DLST: variants seen among roughly 807,000 people sequenced by gnomAD.
DLST encodes dihydrolipoamide S-succinyltransferase.
Under a neutral mutation model 53.1 loss-of-function variants are expected in DLST, and 17 were observed. The observed-to-expected ratio is 0.32, with a 90% CI of 0.22 to 0.48. The LOEUF (loss-of-function observed/expected upper bound fraction) is 0.48. DLST is among the 20% of genes least tolerant of loss of function. DLST has a pLI of 0.99. For missense variants in DLST, 512 were observed against 583.9 expected (o/e 0.88, Z 1.27); for synonymous variants, 206 against 204.8 (o/e 1.01, Z -0.05).
chr14:74,902,168 CA>C, intron 14 of DLST, 27 bp from the exon 15 acceptor site: 1 of 1,520,566 alleles, frequency 6.6e-7, no homozygotes, highest in Non-Finnish European at 8.9e-7. Flanking sequence ...TTGCTGGAGA[CA>C]AACCTATTTA....
intron 12 of DLST, 139 bp downstream of exon 12, chr14:74,900,135 TAAACCA>T: frequency 9.2e-7 from 1 of 1,084,256 alleles, no homozygotes; most frequent in African/African-American, 1.6e-5. Flanking sequence ...TTTTTTCTTT[TAAACCA>T]TGCCGCATTC....
Position 74,889,090 on chromosome 14 carries a change from T to C in DLST, c.147-5T>C. ...AAAAGGAGTTAACGTGTGTTTCTTT[T>C]GTAGCATTAACAACAGTGTCTTCAG... On this transcript the variant is annotated splice_region_variant and splice_polypyrimidine_tract_variant and intron_variant, in intron 3 of 14. Transcript: ENST00000334220. 1 of 1,614,134 alleles carries C rather than the reference T, an allele frequency of 6.2e-7. No individual in the cohort carries two copies. The highest frequency in any genetic ancestry group is 8.5e-7 in the Non-Finnish European group (1 of 1,180,042).
At chr14:74,891,587 T>C in intron 7 of DLST, 1 of 990,532 alleles carries the variant, frequency 1.0e-6, no homozygotes, top group Non-Finnish European at 1.2e-6. Flanking sequence ...AATTCAGTGT[T>C]GTTTCTTTTC....
At chr14:74,891,607 C>G in intron 7 of DLST, 1 of 987,792 alleles carries the variant, frequency 1.0e-6, no homozygotes, top group Non-Finnish European at 1.2e-6. Flanking sequence ...CACATCTGTT[C>G]TCTCATATCT....
intron 4 of DLST, 50 bp downstream of exon 4, chr14:74,889,197 T>C (rs377574623): frequency 1.4e-3 from 2,230 of 1,609,766 alleles, no homozygotes; most frequent in Non-Finnish European, 1.8e-3. Flanking sequence ...GAGCAACAAT[T>C]GATTGAGTTT....
intron 7 of DLST, among the ~76,000 whole-genome samples, chr14:74,892,330 C>T (rs570644059): frequency 4.6e-5 from 7 of 152,286 alleles, no homozygotes; most frequent in African/African-American, 1.7e-4. Flanking sequence ...ATCCGCCTGC[C>T]TTGGCCTCCC....
At chr14:74,891,874 G>T in intron 7 of DLST, 1 of 985,244 alleles carries the variant, frequency 1.0e-6, no homozygotes, top group Non-Finnish European at 1.2e-6. Flanking sequence ...GAAGCTCAGA[G>T]TAGAAAACAT....
chr14:74,885,530 C>A, intron 2 of DLST, 56 bp from the exon 3 acceptor site: 1 of 1,569,852 alleles, frequency 6.4e-7, no homozygotes, highest in Non-Finnish European at 8.8e-7. Context: ...CCATTCCCAG[C>A]ATGTATCCTT....
Position 74,894,371 on chromosome 14 carries a change from A to T in DLST, c.732A>T (p.Thr244=), listed in dbSNP as rs753023376. The change falls in exon 10 of 15, where the codon ACA becomes ACT. Residue 244 remains threonine (T), a synonymous_variant. Transcript: ENST00000334220. ...AGCGTCTGAAGGAGGCCCAGAATAC[A>T]TGTGCAATGCTGACAACTTTTAATG... The part of the protein sequence containing the change: ...IAQRLKEAQN[T]CAMLTTFNEI... 6.2e-7 allele frequency: 1 copy of T among 1,614,182 alleles called. No individual in the cohort carries two copies. The highest frequency in any genetic ancestry group is 8.5e-7 in the Non-Finnish European group (1 of 1,180,016).
chr14:74,889,201 T>A (rs1261376956), intron 4 of DLST, 54 bp downstream of exon 4: 4 of 1,608,150 alleles, frequency 2.5e-6, no homozygotes, highest in Non-Finnish European at 3.4e-6. Flanking sequence ...AACAATTGAT[T>A]GAGTTTAATT....
At chr14:74,887,751 C>A (rs1286979940) in intron 3 of DLST, among the ~76,000 whole-genome samples, 1 of 152,204 alleles carries the variant, frequency 6.6e-6, no homozygotes. Flanking sequence ...CCTGTTAGTT[C>A]TTGCCTATAG....
At chr14:74,900,463 A>C (rs1438778753) in intron 13 of DLST, 91 bp downstream of exon 13, 2 of 1,138,454 alleles carry the variant, frequency 1.8e-6, no homozygotes, top group African/African-American at 1.5e-5. Flanking sequence ...TGCTCATGGA[A>C]AGTCAAGTGC....
chr14:74,902,376 C>T lies in DLST; in HGVS notation c.*46C>T. On this transcript the variant is annotated 3_prime_UTR_variant, in exon 15 of 15. Coordinates refer to ENST00000334220, the MANE Select transcript of DLST (RefSeq NM_001933.5). ...AAGTTGATCATGCAGGAACTGAAAA[C>T]CAGTCTTCTCCCTGTCCCCTCATGG... 6.4e-7 allele frequency: 1 copy of T among 1,552,150 alleles called. No homozygotes were observed. Among genetic ancestry groups the T allele is most frequent in the South Asian group, 1.2e-5 (1 of 83,186 alleles).
At chr14:74,886,560 G>A (rs941191064) in intron 3 of DLST, among the ~76,000 whole-genome samples, 1 of 152,136 alleles carries the variant, frequency 6.6e-6, no homozygotes, top group Admixed American at 6.5e-5. Context: ...AAACTCCTGG[G>A]CTCAAGCAAT....
intron 10 of DLST, 50 bp downstream of exon 10, chr14:74,894,459 C>T: frequency 6.3e-7 from 1 of 1,584,736 alleles, no homozygotes; most frequent in Non-Finnish European, 8.6e-7. Flanking sequence ...TCTTAGAGAA[C>T]ACGAACTTGC....
chr14:74,892,525 CT>C (rs56367272), intron 7 of DLST, among the ~76,000 whole-genome samples: 1 of 147,520 alleles, frequency 6.8e-6, no homozygotes, highest in East Asian at 2.0e-4. Flanking sequence ...TTTTTTTTTC[CT>C]TGGAAGTTTA....
intron 3 of DLST, among the ~76,000 whole-genome samples, chr14:74,886,566 G>T (rs561375902): frequency 6.6e-6 from 1 of 152,272 alleles, no homozygotes; most frequent in South Asian, 2.1e-4. Flanking sequence ...CTGGGCTCAA[G>T]CAATCCATCC....
intron 7 of DLST, 150 bp downstream of exon 7, chr14:74,891,317 G>A: frequency 2.8e-6 from 4 of 1,421,444 alleles, no homozygotes; most frequent in South Asian, 3.2e-5. Flanking sequence ...TATATATAGT[G>A]TGAACTTCAA....
chr14:74,894,005 T>A (rs113144787), intron 9 of DLST, among the ~76,000 whole-genome samples: 2 of 152,250 alleles, frequency 1.3e-5, no homozygotes, highest in African/African-American at 4.8e-5. Context: ...ATGATTCTTA[T>A]GTTGGCTAGA....
Sources: allele counts gnomAD v4.1 joint callset (sites outside exome capture counted in the v4.1 genomes callset), GRCh38; gene constraint gnomAD v4.1.1; transcripts MANE v1.5; gene names NCBI Gene and HGNC (gene_info 2026-07-23, HGNC 2026-07-21).